CCDC25: variants seen among roughly 807,000 people sequenced by gnomAD.
The protein encoded by CCDC25 is coiled-coil domain-containing protein 25.
Under a neutral mutation model 35.3 loss-of-function variants are expected in CCDC25, and 16 were observed. That is an observed-to-expected ratio of 0.45 (90% CI 0.31 to 0.69). CCDC25 has a LOEUF of 0.69. Ranked by LOEUF, CCDC25 falls within the 30% of genes least tolerant of loss-of-function variation. The pLI is 0.06. For missense variants in CCDC25, 179 were observed against 250.7 expected (o/e 0.71, Z 1.93); for synonymous variants, 79 against 80.3 (o/e 0.98, Z 0.09).
intron 7 of CCDC25, 60 bp downstream of exon 7, chr8:27,748,017 G>T: frequency 6.6e-7 from 1 of 1,517,868 alleles, no homozygotes; most frequent in South Asian, 1.1e-5. Flanking sequence ...GCTAATACAT[G>T]ATTAAAATCA....
chr8:27,736,087 A>G lies in CCDC25; in HGVS notation c.*129T>C. ...CAATTTTTTTAAAACTTGAAAATCA[A>G]TAATTTCTGGGTAGGATGAAGGTAG... On this transcript the variant is annotated 3_prime_UTR_variant, in exon 9 of 9. Coordinates refer to ENST00000356537, the MANE Select transcript of CCDC25 (RefSeq NM_018246.3). The G allele has an allele frequency of 1.2e-6, 1 of 817,236 alleles. No homozygotes were observed. The highest frequency in any genetic ancestry group is 1.9e-6 in the Non-Finnish European group (1 of 526,770). 50.6% of individuals were successfully genotyped at this position (817,236 alleles called of 1,614,324 possible).
chr8:27,755,210 G>A (rs74589776), intron 4 of CCDC25, among the ~76,000 whole-genome samples: 3 of 152,118 alleles, frequency 2.0e-5, no homozygotes, highest in Non-Finnish European at 4.4e-5. Context: ...GCTGGGACAG[G>A]GAAAATACAA....
chr8:27,762,359 G>T, intron 3 of CCDC25, 60 bp downstream of exon 3: 1 of 1,460,552 alleles, frequency 6.8e-7, no homozygotes, highest in Non-Finnish European at 9.6e-7. Context: ...TTGAATGCTT[G>T]GCCAAGTCTA....
At position 27,748,336 on chromosome 8, in the gene CCDC25, G is replaced by C; in HGVS notation, c.349-57C>G. 6.6e-6 allele frequency: 10 copies of C among 1,508,510 alleles called. No homozygotes were observed. The South Asian group carries it at 1.0e-4, about 16-fold the overall frequency. The allele number at this position is 1,508,510 out of a possible 1,614,324, so 93.4% of individuals were successfully genotyped here. ...TCTTTTTGTTTTTTTTCTCCCAGAA[G>C]AGGGATGAGGCTTTCCAGGGGTTTA... On this transcript the variant is annotated intron_variant, in intron 6 of 8. Transcript: ENST00000356537.
chr8:27,750,802 A>T, intron 5 of CCDC25, among the ~76,000 whole-genome samples: 1 of 152,176 alleles, frequency 6.6e-6, no homozygotes, highest in East Asian at 1.9e-4. Context: ...AAGATTCTAG[A>T]CCTATGACCC....
chr8:27,759,779 C>CAAAA (rs77051762), intron 3 of CCDC25, among the ~76,000 whole-genome samples: 2 of 91,264 alleles, frequency 2.2e-5, no homozygotes, highest in South Asian at 4.1e-4. Flanking sequence ...GACTCTGTCT[C>CAAAA]AAAAAAAAAA....
In CCDC25 at chr8:27,734,353, G is replaced by A. The variant is rs2128933891; in HGVS notation, c.*1863C>T. On this transcript the variant is annotated 3_prime_UTR_variant, in exon 9 of 9. Coordinates refer to ENST00000356537, the MANE Select transcript of CCDC25 (RefSeq NM_018246.3). The stretch of plus-strand genomic sequence containing the variant: ...CAAAGTGACTCAGACCCACAGCACA[G>A]ATTTGATCAAGGGCACAGCTCATAA... 1 of 152,306 alleles carries A rather than the reference G, an allele frequency of 6.6e-6. No individual in the cohort carries two copies. The highest frequency in any genetic ancestry group is 1.9e-4 in the East Asian group (1 of 5,184). The allele number at this position is 152,306 out of a possible 1,614,324, so 9.4% of individuals were successfully genotyped here.
At position 27,734,933 on chromosome 8, in the gene CCDC25, G is replaced by T. The variant is rs1803166446; in HGVS notation, c.*1283C>A. The stretch of plus-strand genomic sequence containing the variant: ...AAGATGATAGCCCCGTACAGAACCT[G>T]TCAGACTGAGCCTATGATGAATGAG... On this transcript the variant is annotated 3_prime_UTR_variant, in exon 9 of 9. Coordinates refer to ENST00000356537, the MANE Select transcript of CCDC25 (RefSeq NM_018246.3). 1 of 152,154 alleles carries T rather than the reference G, an allele frequency of 6.6e-6. No homozygotes were observed. The highest frequency in any genetic ancestry group is 1.5e-5 in the Non-Finnish European group (1 of 68,048). 9.4% of individuals were successfully genotyped at this position (152,154 alleles called of 1,614,324 possible).
At chr8:27,741,605 G>A (rs1205953538) in intron 7 of CCDC25, among the ~76,000 whole-genome samples, 2 of 152,176 alleles carry the variant, frequency 1.3e-5, no homozygotes, top group African/African-American at 4.8e-5. Context: ...TTGAACCTAG[G>A]AGGTGGAGGT....
chr8:27,738,516 A>G (rs1271198596), intron 8 of CCDC25, among the ~76,000 whole-genome samples: 1 of 151,898 alleles, frequency 6.6e-6, no homozygotes, highest in Non-Finnish European at 1.5e-5. Context: ...TTGGGCTACA[A>G]ATTCAATTTC....
chr8:27,760,854 G>C (rs1168981694), intron 3 of CCDC25, among the ~76,000 whole-genome samples: 1 of 152,166 alleles, frequency 6.6e-6, no homozygotes, highest in Non-Finnish European at 1.5e-5. Context: ...GGCTGGGCGC[G>C]GTGGCTCACG....
chr8:27,743,429 G>A (rs960372326), intron 7 of CCDC25, among the ~76,000 whole-genome samples: 1 of 152,208 alleles, frequency 6.6e-6, no homozygotes, highest in African/African-American at 2.4e-5. Context: ...TGCATGGACT[G>A]GCCCCTTGAT....
chr8:27,756,580 G>A, intron 4 of CCDC25, 139 bp downstream of exon 4: 1 of 627,036 alleles, frequency 1.6e-6, no homozygotes, highest in Non-Finnish European at 2.9e-6. Context: ...GGGTCAGAGG[G>A]AAGACACGTC....
chr8:27,750,126 G>A (rs1037663085), intron 5 of CCDC25, among the ~76,000 whole-genome samples: 1 of 152,128 alleles, frequency 6.6e-6, no homozygotes, highest in Non-Finnish European at 1.5e-5. Flanking sequence ...TCAATAACTT[G>A]GATCAAAAGG....
intron 1 of CCDC25, among the ~76,000 whole-genome samples, chr8:27,770,571 C>A (rs997288507): frequency 1.3e-5 from 2 of 152,020 alleles, no homozygotes; most frequent in Non-Finnish European, 2.9e-5. Context: ...AACCCCGTCT[C>A]TACTAAAAAA....
At chr8:27,771,292 AAGTATACTCTACCGTGTTGCTACAACAAT>A (rs1278119035) in intron 1 of CCDC25, among the ~76,000 whole-genome samples, 36 of 152,178 alleles carry the variant, frequency 2.4e-4, no homozygotes, top group Non-Finnish European at 5.0e-4. Flanking sequence ...CCACAGGTTT[AAGTATACTCTACCGTGTTGCTACAACAAT>A]GAAACCGCCT....
Position 27,746,515 on chromosome 8 carries a change from C to T in CCDC25, c.551+1562G>A, listed in dbSNP as rs10503822. ...TCATGTTCCTAAACAAAATTATGTT[C>T]GATCCGTAAAGGGCACTAAAAGGCA... On this transcript the variant is annotated intron_variant, in intron 7 of 8. Coordinates refer to ENST00000356537, the MANE Select transcript of CCDC25 (RefSeq NM_018246.3). Among the ~76,000 whole-genome samples the T allele has an allele frequency of 9.9e-3, 1,513 of 152,144 alleles. 19 individuals are homozygous for T. The highest frequency in any genetic ancestry group is 0.034 in the African/African-American group (1,401 of 41,498).
intron 7 of CCDC25, 145 bp from the exon 8 acceptor site, chr8:27,740,662 G>A (rs928777790): frequency 9.8e-6 from 6 of 613,388 alleles, no homozygotes; most frequent in African/African-American, 5.7e-5. Context: ...TGCACTCAAG[G>A]AGATTGCAAC....
At chr8:27,747,552 T>C (rs1200625721) in intron 7 of CCDC25, among the ~76,000 whole-genome samples, 1 of 152,258 alleles carries the variant, frequency 6.6e-6, no homozygotes. Flanking sequence ...CATGGCCTTC[T>C]TCACTAGAAT....
Sources: allele counts gnomAD v4.1 joint callset (sites outside exome capture counted in the v4.1 genomes callset), GRCh38; gene constraint gnomAD v4.1.1; transcripts MANE v1.5; gene names NCBI Gene and HGNC (gene_info 2026-07-23, HGNC 2026-07-21).